PTPRO: variants seen among roughly 807,000 people sequenced by gnomAD.
PTPRO encodes protein tyrosine phosphatase receptor type O.
In PTPRO, 62 loss-of-function variants were observed where a neutral mutation model predicts 145.2. That is an observed-to-expected ratio of 0.43 (90% CI 0.35 to 0.53). The LOEUF (loss-of-function observed/expected upper bound fraction) is 0.53. Among genes scored for constraint, PTPRO ranks in the 20% least tolerant of loss-of-function variants. PTPRO has a pLI of 0.01. For missense variants in PTPRO, 1,345 were observed against 1,482.7 expected (o/e 0.91, Z 1.53); for synonymous variants, 565 against 514.7 (o/e 1.10, Z -1.32).
intron 1 of PTPRO, among the ~76,000 whole-genome samples, chr12:15,461,733 A>C (rs1049321203): frequency 9.2e-5 from 14 of 151,526 alleles, no homozygotes; most frequent in African/African-American, 3.4e-4. Context: ...ACATCTGGCT[A>C]ATTTTTGTAT....
intron 2 of PTPRO, among the ~76,000 whole-genome samples, chr12:15,491,971 C>T (rs911623730): frequency 6.6e-6 from 1 of 151,378 alleles, no homozygotes; most frequent in Non-Finnish European, 1.5e-5. Context: ...CAAACAAAAA[C>T]ATACATAAAG....
intron 1 of PTPRO, among the ~76,000 whole-genome samples, chr12:15,340,553 G>A (rs1405383965): frequency 6.6e-6 from 1 of 152,116 alleles, no homozygotes; most frequent in African/African-American, 2.4e-5. Flanking sequence ...CTATATATTC[G>A]TAAACGTCAG....
Position 15,417,982 on chromosome 12 carries a change from G to A in PTPRO, c.76-65992G>A, listed in dbSNP as rs537774105. ...CCCATCTGCAAATTGTTTGTTACTT[G>A]TCTGTCATAATATAGCAACTTTGGT... is the stretch of plus-strand genomic sequence containing the variant. On this transcript the variant is annotated intron_variant, in intron 1 of 26. Coordinates refer to ENST00000281171, the MANE Select transcript of PTPRO (RefSeq NM_030667.3). 2.6e-5 allele frequency among the ~76,000 whole-genome samples: 4 copies of A among 151,924 alleles called. No individual in the cohort carries two copies. The East Asian group carries it at 7.7e-4, about 29-fold the overall frequency.
chr12:15,591,094 C>T (rs1416467923), intron 25 of PTPRO, among the ~76,000 whole-genome samples: 2 of 152,116 alleles, frequency 1.3e-5, no homozygotes, highest in East Asian at 3.9e-4. Flanking sequence ...TGGGGCCTGG[C>T]GTAGTGGCTC....
At chr12:15,384,015 C>T (rs1938945211) in intron 1 of PTPRO, among the ~76,000 whole-genome samples, 1 of 152,162 alleles carries the variant, frequency 6.6e-6, no homozygotes, top group Admixed American at 6.5e-5. Context: ...CTTATTTCCA[C>T]ACAGAGTCTG....
chr12:15,538,494 A>T (rs574360968), intron 12 of PTPRO, among the ~76,000 whole-genome samples: 129 of 152,292 alleles, frequency 8.5e-4, no homozygotes, highest in Admixed American at 1.6e-3. Context: ...TAGTGCTGGG[A>T]TTACAGGCGT....
At chr12:15,571,689 T>G (rs1944054256) in intron 19 of PTPRO, among the ~76,000 whole-genome samples, 1 of 152,188 alleles carries the variant, frequency 6.6e-6, no homozygotes, top group African/African-American at 2.4e-5. Context: ...CTTTCTTGTT[T>G]GTAGTTTGAA....
At chr12:15,346,981 C>T (rs753931080) in intron 1 of PTPRO, among the ~76,000 whole-genome samples, 20 of 152,114 alleles carry the variant, frequency 1.3e-4, no homozygotes, top group Non-Finnish European at 2.4e-4. Context: ...TACTCATTCT[C>T]ACCTTCCTCT....
At chr12:15,526,407 A>C in intron 12 of PTPRO, 145 bp downstream of exon 12, 1 of 1,106,588 alleles carries the variant, frequency 9.0e-7, no homozygotes. Flanking sequence ...GTACTAGCAA[A>C]AGGGTATGTT....
chr12:15,574,144 A>C (rs1300699768), intron 19 of PTPRO, among the ~76,000 whole-genome samples: 2 of 152,242 alleles, frequency 1.3e-5, no homozygotes, highest in African/African-American at 4.8e-5. Context: ...GATACTACCA[A>C]TACAGCCATA....
At position 15,487,828 on chromosome 12, in the gene PTPRO, A is replaced by G. The variant is rs1941921632; in HGVS notation, c.349+3581A>G. On this transcript the variant is annotated intron_variant, in intron 2 of 26. Transcript: ENST00000281171. ...AATTTTAATTAGTTTTAGTTCATTT[A>G]AAATTTGATTTAAATAGCTCTATGT... 1.3e-5 allele frequency among the ~76,000 whole-genome samples: 2 copies of G among 152,234 alleles called. 1 individual carries two copies. The highest frequency in any genetic ancestry group is 4.1e-4 in the South Asian group (2 of 4,834).
intron 6 of PTPRO, among the ~76,000 whole-genome samples, chr12:15,504,284 T>A (rs75315767): frequency 4.7e-5 from 7 of 149,026 alleles, no homozygotes; most frequent in Non-Finnish European, 8.9e-5. Context: ...AACTTGAGGA[T>A]TTTTTTTTTA....
chr12:15,491,943 A>G (rs1205187668), intron 2 of PTPRO, among the ~76,000 whole-genome samples: 2 of 96,304 alleles, frequency 2.1e-5, no homozygotes, highest in Non-Finnish European at 5.3e-5. Context: ...CTGTTTGACA[A>G]ACAAACAAAC....
intron 16 of PTPRO, among the ~76,000 whole-genome samples, 160 bp from the exon 17 acceptor site, chr12:15,560,033 C>T (rs1408710410): frequency 6.6e-6 from 1 of 152,244 alleles, no homozygotes; most frequent in African/African-American, 2.4e-5. Flanking sequence ...TAAGCCCGCA[C>T]ATTTATATTT....
chr12:15,559,045 G>A (rs1311203461), intron 16 of PTPRO, among the ~76,000 whole-genome samples: 1 of 152,168 alleles, frequency 6.6e-6, no homozygotes, highest in East Asian at 1.9e-4. Context: ...TTTCATGCCT[G>A]GTTCACCCTT....
At chr12:15,388,935 CTACTCTTATTGACCTCTTTCCT>C (rs1406747314) in intron 1 of PTPRO, among the ~76,000 whole-genome samples, 1 of 151,696 alleles carries the variant, frequency 6.6e-6, no homozygotes, top group African/African-American at 2.4e-5. Context: ...AAAAAAAAAT[CTACTCTTATTGACCTCTTTCCT>C]TACTCTCACT....
chr12:15,554,601 C>T (rs1318466430), intron 15 of PTPRO, among the ~76,000 whole-genome samples: 1 of 152,066 alleles, frequency 6.6e-6, no homozygotes, highest in Non-Finnish European at 1.5e-5. Flanking sequence ...CAGGAAGCGT[C>T]CAGCACAGGA....
chr12:15,339,676 A>G (rs1488955093), intron 1 of PTPRO, among the ~76,000 whole-genome samples: 1 of 152,294 alleles, frequency 6.6e-6, no homozygotes, highest in East Asian at 1.9e-4. Flanking sequence ...GAGATAAATG[A>G]AAAATAAATG....
rs550588959 is a variant in PTPRO, at chr12:15,582,082, G to T, written c.3255+281G>T. 7.9e-4 allele frequency among the ~76,000 whole-genome samples: 121 copies of T among 152,364 alleles called. 3 individuals are homozygous for T. The South Asian group carries it at 0.025, about 31-fold the overall frequency. Reference sequence around the variant, plus strand: ...TTCCTTATGGGAAATAAAGGGATGGGTCTGGCTAGTTATCTGCAGCATGAA... The same window carrying T: ...TTCCTTATGGGAAATAAAGGGATGGTTCTGGCTAGTTATCTGCAGCATGAA... On this transcript the variant is annotated intron_variant, in intron 23 of 26. Coordinates refer to ENST00000281171, the MANE Select transcript of PTPRO (RefSeq NM_030667.3).
Sources: gnomAD v4.1 joint callset for allele counts (sites outside exome capture counted in the v4.1 genomes callset) on GRCh38, gnomAD v4.1.1 for gene constraint, MANE v1.5 for transcripts, NCBI Gene and HGNC (gene_info 2026-07-23, HGNC 2026-07-21) for gene names.